The following TMEM200A variants were observed in gnomAD, a reference collection of about 807,000 sequenced individuals.
TMEM200A encodes the protein two transmembrane C.
TMEM200A carries 12 observed loss-of-function variants against 24.3 expected under a neutral mutation model. The observed-to-expected ratio is 0.49, with a 90% CI of 0.32 to 0.80. The LOEUF is 0.80. Among genes scored for constraint, TMEM200A ranks in the 30% least tolerant of loss-of-function variants. The pLI is 0.04. For synonymous variants in TMEM200A, 224 were observed against 224.4 expected (o/e 1.00, Z 0.02); for missense variants, 545 against 614.4 (o/e 0.89, Z 1.19).
intron 1 of TMEM200A, among the ~76,000 whole-genome samples, chr6:130,383,696 C>T (rs1562552154): frequency 6.6e-6 from 1 of 152,060 alleles, no homozygotes; most frequent in Non-Finnish European, 1.5e-5. Context: ...GTGAATACTG[C>T]CTTCATTATG....
intron 2 of TMEM200A, among the ~76,000 whole-genome samples, chr6:130,424,587 T>A (rs1274686008): frequency 6.6e-6 from 1 of 152,182 alleles, no homozygotes; most frequent in Non-Finnish European, 1.5e-5. Context: ...TTTACTTTGA[T>A]CTAAGTAAGG....
chr6:130,427,864 A>G (rs549312725), intron 2 of TMEM200A, among the ~76,000 whole-genome samples: 16 of 152,108 alleles, frequency 1.1e-4, no homozygotes, highest in African/African-American at 3.6e-4. Flanking sequence ...TGAATCAACT[A>G]TCAAAGTTTT....
intron 2 of TMEM200A, among the ~76,000 whole-genome samples, chr6:130,387,208 G>A (rs553460216): frequency 6.6e-6 from 1 of 152,178 alleles, no homozygotes; most frequent in African/African-American, 2.4e-5. Flanking sequence ...CAGCATTAAA[G>A]TCTATTGCAA....
intron 2 of TMEM200A, among the ~76,000 whole-genome samples, chr6:130,417,957 T>C (rs1238512005): frequency 6.6e-6 from 1 of 152,204 alleles, no homozygotes; most frequent in Non-Finnish European, 1.5e-5. Flanking sequence ...TGTTATCTCA[T>C]TTCCAGGGCC....
intron 2 of TMEM200A, among the ~76,000 whole-genome samples, chr6:130,439,807 T>G (rs1302099075): frequency 6.6e-6 from 1 of 151,940 alleles, no homozygotes; most frequent in Non-Finnish European, 1.5e-5. Context: ...GTAATATCCA[T>G]GGAAGCAGAG....
Position 130,427,728 on chromosome 6 carries a change from T to C in TMEM200A, c.-16-12679T>C, listed in dbSNP as rs530274081. Reference sequence around the variant, plus strand: ...GGTCATAATCAATCTTTTTGTCTTTTTTTTTTTCATTTTTGCCAATTACTA... The same window carrying C: ...GGTCATAATCAATCTTTTTGTCTTTCTTTTTTTCATTTTTGCCAATTACTA... On this transcript the variant is annotated intron_variant, in intron 2 of 2. Coordinates refer to ENST00000296978, the MANE Select transcript of TMEM200A (RefSeq NM_001258277.2). Among the ~76,000 whole-genome samples, 22 of 152,284 alleles carry C rather than the reference T, an allele frequency of 1.4e-4. 1 individual carries two copies. The highest frequency in any genetic ancestry group is 5.3e-4 in the African/African-American group (22 of 41,560).
intron 2 of TMEM200A, among the ~76,000 whole-genome samples, chr6:130,401,320 C>T (rs976196173): frequency 2.0e-5 from 3 of 151,840 alleles, no homozygotes; most frequent in African/African-American, 7.3e-5. Context: ...AATTATTAGA[C>T]TAATCCCTAT....
At chr6:130,384,786 C>A (rs1039454053) in intron 1 of TMEM200A, among the ~76,000 whole-genome samples, 2 of 152,298 alleles carry the variant, frequency 1.3e-5, no homozygotes, top group African/African-American at 4.8e-5. Flanking sequence ...AATCACATTA[C>A]AATGAACTGG....
At chr6:130,421,634 A>G (rs1224668136) in intron 2 of TMEM200A, among the ~76,000 whole-genome samples, 2 of 152,014 alleles carry the variant, frequency 1.3e-5, no homozygotes, top group African/African-American at 4.8e-5. Flanking sequence ...GGTGTACATT[A>G]CATCTCTAGA....
chr6:130,428,516 AG>A (rs770698030), intron 2 of TMEM200A, among the ~76,000 whole-genome samples: 1 of 152,038 alleles, frequency 6.6e-6, no homozygotes, highest in Admixed American at 6.5e-5. Context: ...TCTCTCTGAC[AG>A]CAACTCTGAA....
intron 2 of TMEM200A, among the ~76,000 whole-genome samples, chr6:130,417,933 A>G (rs1414884878): frequency 6.6e-6 from 1 of 152,186 alleles, no homozygotes; most frequent in Non-Finnish European, 1.5e-5. Flanking sequence ...ACACATCCAT[A>G]AGCCTGTTTA....
At chr6:130,384,707 C>T (rs1362327862) in intron 1 of TMEM200A, among the ~76,000 whole-genome samples, 1 of 152,194 alleles carries the variant, frequency 6.6e-6, no homozygotes, top group Non-Finnish European at 1.5e-5. Context: ...AAAGGAATAG[C>T]ATGTTTCTGA....
In TMEM200A at chr6:130,441,334, T is replaced by C. The variant is rs1240981632; in HGVS notation, c.912T>C (p.Ser304=). 6.2e-7 allele frequency: 1 copy of C among 1,614,122 alleles called. No individual in the cohort carries two copies. Among genetic ancestry groups the C allele is most frequent in the South Asian group, 1.1e-5 (1 of 91,086 alleles). ...KLNNCVIDEP[S]IDNITEDADN... is the part of the protein sequence containing the mutation. ...ATAACTGTGTTATTGATGAGCCCAGTATAGATAACATCACTGAAGATGCTG... is the reference window on the plus strand; with the variant it reads ...ATAACTGTGTTATTGATGAGCCCAGCATAGATAACATCACTGAAGATGCTG... The change falls in exon 3 of 3, where the codon AGT becomes AGC. Residue 304 remains serine, a synonymous_variant. Transcript: ENST00000296978.
intron 2 of TMEM200A, among the ~76,000 whole-genome samples, chr6:130,390,128 C>G (rs1238500457): frequency 6.6e-6 from 1 of 152,172 alleles, no homozygotes; most frequent in Admixed American, 6.5e-5. Context: ...CCAACAACCC[C>G]CAAATTATTT....
rs540003097 is a variant in TMEM200A at position 130,384,114 on chromosome 6, T to C, written c.-80-1059T>C. Among the ~76,000 whole-genome samples the C allele has an allele frequency of 3.3e-4, 50 of 152,276 alleles. 1 individual carries two copies. The South Asian group carries it at 1.0e-2, about 30-fold the overall frequency. On this transcript the variant is annotated intron_variant, in intron 1 of 2. Coordinates refer to ENST00000296978, the MANE Select transcript of TMEM200A (RefSeq NM_001258277.2). ...CAGCCTGAGTGACAAAGTGAGACTC[T>C]GTCTAAAAAAGAAAAGAGAGAAAAG...
chr6:130,441,208 C>T lies in TMEM200A; in HGVS notation c.786C>T (p.Ser262=). ...VSVFGLYPPP[S]KTTDDKTSGS... ...TCTTTGGCCTCTATCCACCTCCTTC[C>T]AAGACAACTGATGATAAGACCAGCG... Residue 262 remains serine, a synonymous_variant, in exon 3 of 3, where the codon TCC becomes TCT. Transcript: ENST00000296978. 6.2e-7 allele frequency: 1 copy of T among 1,614,068 alleles called. No individual in the cohort carries two copies. The highest frequency in any genetic ancestry group is 8.5e-7 in the Non-Finnish European group (1 of 1,179,976).
chr6:130,415,918 G>T (rs1779437999), intron 2 of TMEM200A, among the ~76,000 whole-genome samples: 2 of 151,692 alleles, frequency 1.3e-5, no homozygotes, highest in African/African-American at 4.8e-5. Flanking sequence ...CTTCTTTCAG[G>T]GTTTCAAAGT....
chr6:130,397,677 G>A (rs138641534), intron 2 of TMEM200A, among the ~76,000 whole-genome samples: 95 of 151,634 alleles, frequency 6.3e-4, no homozygotes, highest in African/African-American at 2.1e-3. Context: ...AATTTAGTAT[G>A]TGTGGTTTTA....
Position 130,409,117 on chromosome 6 carries a change from G to A in TMEM200A, c.-17+23881G>A, listed in dbSNP as rs190159919. On this transcript the variant is annotated intron_variant, in intron 2 of 2. Coordinates refer to ENST00000296978, the MANE Select transcript of TMEM200A (RefSeq NM_001258277.2). ...ATTCCTGCTTTCTTTCCTTCCTTTC[G>A]TTGCTTCCAAGGCTTCATGGTGGTC... 2.1e-3 allele frequency among the ~76,000 whole-genome samples: 315 copies of A among 151,886 alleles called. 3 individuals are homozygous for A. Among genetic ancestry groups the A allele is most frequent in the African/African-American group, 7.0e-3 (288 of 41,422 alleles).
Sources: allele counts gnomAD v4.1 joint callset (sites outside exome capture counted in the v4.1 genomes callset), GRCh38; gene constraint gnomAD v4.1.1; transcripts MANE v1.5; gene names NCBI Gene and HGNC (gene_info 2026-07-23, HGNC 2026-07-21).